The following PCSK5 variants were observed in gnomAD, a reference collection of about 807,000 sequenced individuals.
PCSK5 encodes prohormone convertase 5.
A neutral mutation model predicts 233.2 loss-of-function variants in PCSK5; 129 were observed. The observed-to-expected ratio is 0.55, with a 90% CI of 0.48 to 0.64. The LOEUF is 0.64. PCSK5 is among the 30% of genes least tolerant of loss of function. The pLI, the probability that PCSK5 is intolerant of heterozygous loss-of-function variation, is 0.00. For synonymous variants in PCSK5, 825 were observed against 879.2 expected, an observed-to-expected ratio of 0.94 and a Z score of 1.09; for missense variants, 2,076 against 2,430.1, an observed-to-expected ratio of 0.85 and a Z score of 3.06.
At chr9:76,012,608 C>G (rs981645129) in intron 3 of PCSK5, among the ~76,000 whole-genome samples, 1 of 152,162 alleles carries the variant, frequency 6.6e-6, no homozygotes, top group Non-Finnish European at 1.5e-5. Flanking sequence ...TTCTAAGCAG[C>G]GCACCTTTAT....
At chr9:76,347,868 T>C (rs1262826710) in intron 35 of PCSK5, among the ~76,000 whole-genome samples, 1 of 120,616 alleles carries the variant, frequency 8.3e-6, no homozygotes, top group Non-Finnish European at 1.8e-5. Flanking sequence ...TTTCTACTCT[T>C]AATTTATTTT....
intron 20 of PCSK5, among the ~76,000 whole-genome samples, chr9:76,201,285 T>C (rs1358021787): frequency 6.6e-6 from 1 of 152,124 alleles, no homozygotes; most frequent in Non-Finnish European, 1.5e-5. Context: ...TCCCTAACAA[T>C]GAAAACAGTA....
At chr9:75,987,474 C>A (rs1034038591) in intron 3 of PCSK5, among the ~76,000 whole-genome samples, 2 of 152,154 alleles carry the variant, frequency 1.3e-5, no homozygotes, top group African/African-American at 4.8e-5. Flanking sequence ...TATATCTCCC[C>A]AGAAACCTAA....
chr9:76,131,582 CTT>C (rs772974235), intron 9 of PCSK5, among the ~76,000 whole-genome samples: 1 of 152,120 alleles, frequency 6.6e-6, no homozygotes, highest in Non-Finnish European at 1.5e-5. Flanking sequence ...ACAAGTAACT[CTT>C]ATTTCTTCAG....
rs753448058 is a variant in PCSK5, at chr9:75,891,366, T to C, written c.185T>C (p.Ile62Thr). Reference protein sequence around the residue: ...RIASKYGFINIGQIGALKDYY... With the variant: ...RIASKYGFINTGQIGALKDYY... ...GCCAGCAAGTACGGATTCATCAACA[T>C]AGGACAGGTAACGAACTACAGGCTA... The change falls in exon 1 of 38, where the codon ATA (isoleucine) becomes ACA (threonine). Residue 62 changes from isoleucine (I) to threonine (T), a missense_variant. By Grantham distance (89) the Ile-to-Thr change is moderately conservative (BLOSUM62 -1). This residue lies in a region of PCSK5 where 190 missense variants were observed against 216.3 expected (regional missense o/e 0.88). Transcript: ENST00000674117. The C allele has an allele frequency of 5.1e-6, 8 of 1,553,838 alleles. No individual in the cohort carries two copies. The highest frequency in any genetic ancestry group is 6.9e-6 in the Non-Finnish European group (8 of 1,155,280).
At chr9:76,118,006 G>A (rs1333802883) in intron 9 of PCSK5, among the ~76,000 whole-genome samples, 2 of 152,116 alleles carry the variant, frequency 1.3e-5, no homozygotes, top group African/African-American at 4.8e-5. Context: ...TAGTCATGCT[G>A]AATTTTTATT....
At position 76,147,958 on chromosome 9, in the gene PCSK5, C is replaced by T. The variant is rs118189031; in HGVS notation, c.1313-9087C>T. Among the ~76,000 whole-genome samples, 1,393 of 152,228 alleles carry T rather than the reference C, an allele frequency of 9.2e-3. 11 individuals are homozygous for T. The highest frequency in any genetic ancestry group is 0.029 in the South Asian group (138 of 4,824). ...AAAGAAAAAGAAAACCTTTTCCATT[C>T]TACTGCCTTTGTTCCCTCCCTCCTT... On this transcript the variant is annotated intron_variant, in intron 10 of 37. Coordinates refer to ENST00000674117, the MANE Select transcript of PCSK5 (RefSeq NM_001372043.1).
rs1830443513 is a variant in PCSK5 at position 76,362,354 on chromosome 9, G to A, written c.*3432G>A. ...AATCAAGACCAGATAATGCTATGGA[G>A]ACTTACTTATTAAATAACTTTCTGA... On this transcript the variant is annotated 3_prime_UTR_variant, in exon 38 of 38. Coordinates refer to ENST00000674117, the MANE Select transcript of PCSK5 (RefSeq NM_001372043.1). 1 of 152,200 alleles carries A rather than the reference G, an allele frequency of 6.6e-6. No homozygotes were observed. Among genetic ancestry groups the A allele is most frequent in the Non-Finnish European group, 1.5e-5 (1 of 68,030 alleles). 9.4% of individuals were successfully genotyped at this position (152,200 alleles called of 1,614,324 possible).
At chr9:76,270,764 T>A (rs1168586109) in intron 24 of PCSK5, among the ~76,000 whole-genome samples, 1 of 152,204 alleles carries the variant, frequency 6.6e-6, no homozygotes, top group Non-Finnish European at 1.5e-5. Context: ...TAAGCCTGTG[T>A]AATATGGTCT....
In PCSK5 at chr9:76,188,647, C is replaced by T; in HGVS notation, c.2352C>T (p.Pro784=). The T allele has an allele frequency of 6.2e-7, 1 of 1,613,724 alleles. No individual in the cohort carries two copies. The highest frequency in any genetic ancestry group is 8.5e-7 in the Non-Finnish European group (1 of 1,179,646). Residue 784 remains proline, a synonymous_variant, in exon 18 of 38, where the codon CCC becomes CCT. Transcript: ENST00000674117. The stretch of plus-strand genomic sequence containing the variant: ...ATTTCAACGGCCAGGACTGCCAGCC[C>T]TGCCACCGCTTCTGCGCCACTTGTG... ...GRYFNGQDCQ[P]CHRFCATCAG...
intron 14 of PCSK5, among the ~76,000 whole-genome samples, chr9:76,176,715 A>G (rs1823633200): frequency 1.3e-5 from 2 of 152,232 alleles, no homozygotes; most frequent in African/African-American, 4.8e-5. Flanking sequence ...AAAATATTCC[A>G]TGCTTTCTAA....
intron 10 of PCSK5, 96 bp from the exon 11 acceptor site, chr9:76,156,949 G>T: frequency 1.3e-6 from 1 of 759,752 alleles, no homozygotes. Context: ...AAGATAGCTA[G>T]GATCCCATAG....
At chr9:75,913,592 T>G (rs1822851035) in intron 1 of PCSK5, among the ~76,000 whole-genome samples, 1 of 152,170 alleles carries the variant, frequency 6.6e-6, no homozygotes. Flanking sequence ...TCCAATGAGT[T>G]TTTAGATATA....
chr9:76,032,906 G>A (rs1164202011), intron 5 of PCSK5, among the ~76,000 whole-genome samples: 1 of 152,188 alleles, frequency 6.6e-6, no homozygotes, highest in East Asian at 1.9e-4. Context: ...CGAGCGGTAT[G>A]TGGGCCCAGA....
chr9:75,953,990 A>G (rs1415360287), intron 2 of PCSK5, among the ~76,000 whole-genome samples: 1 of 152,210 alleles, frequency 6.6e-6, no homozygotes, highest in African/African-American at 2.4e-5. Flanking sequence ...GAAAGGTCTT[A>G]TAGTAACCTT....
intron 1 of PCSK5, among the ~76,000 whole-genome samples, chr9:75,929,176 C>T (rs1173767518): frequency 6.6e-6 from 1 of 152,066 alleles, no homozygotes; most frequent in South Asian, 2.1e-4. Context: ...CTCATGATCC[C>T]CCTACCTCAG....
At chr9:76,046,130 T>C (rs1829360731) in intron 5 of PCSK5, among the ~76,000 whole-genome samples, 1 of 150,236 alleles carries the variant, frequency 6.7e-6, no homozygotes, top group Non-Finnish European at 1.5e-5. Flanking sequence ...ATACTAACTT[T>C]AGTAGCATTA....
intron 33 of PCSK5, among the ~76,000 whole-genome samples, chr9:76,332,204 G>C (rs1829556317): frequency 6.6e-6 from 1 of 152,154 alleles, no homozygotes; most frequent in Admixed American, 6.5e-5. Context: ...GGGACACAGA[G>C]CCAAACCATA....
intron 1 of PCSK5, among the ~76,000 whole-genome samples, chr9:75,909,240 T>C (rs62559220): frequency 0.076 from 11,540 of 151,780 alleles, 543 homozygotes; most frequent in African/African-American, 0.12. Context: ...GCAGGAGAAT[T>C]TCTGGAACCC....
Sources: gnomAD v4.1 joint callset for allele counts (sites outside exome capture counted in the v4.1 genomes callset) on GRCh38, gnomAD v4.1.1 for gene constraint, gnomAD v4.1.1 regional missense constraint, MANE v1.5 for transcripts, NCBI Gene and HGNC (gene_info 2026-07-23, HGNC 2026-07-21) for gene names.